Variants in MTUS2 observed in about 807,000 individuals in gnomAD.
MTUS2 encodes microtubule associated scaffold protein 2, also known as microtubule-associated tumor suppressor candidate 2.
MTUS2 carries 40 observed loss-of-function variants against 114.1 expected under a neutral mutation model. The observed-to-expected ratio is 0.35, with a 90% CI of 0.27 to 0.46. MTUS2 has a LOEUF of 0.46. Ranked by LOEUF, MTUS2 falls within the 20% of genes least tolerant of loss-of-function variation. The probability of loss-of-function intolerance (pLI) is 1.00; values close to 1 mark genes in which losing one functional copy is unlikely to be tolerated. For missense variants in MTUS2, 1,679 were observed against 1,705.4 expected (o/e 0.98, Z 0.27); for synonymous variants, 688 against 672.0 (o/e 1.02, Z -0.37).
chr13:29,242,722 A>G (rs961588693), intron 5 of MTUS2: 1 of 152,246 alleles, frequency 6.6e-6, no homozygotes, highest in Non-Finnish European at 1.5e-5. Flanking sequence ...AATAAGTAAG[A>G]TATCATCCCT....
At chr13:29,265,095 G>A (rs1489611450) in intron 5 of MTUS2, among the ~76,000 whole-genome samples, 1 of 152,090 alleles carries the variant, frequency 6.6e-6, no homozygotes, top group African/African-American at 2.4e-5. Flanking sequence ...CCCACATCTG[G>A]CAATAGGCTG....
At chr13:28,856,465 CTGGCGCT>C (rs1203877537) in intron 2 of MTUS2, among the ~76,000 whole-genome samples, 3 of 152,168 alleles carry the variant, frequency 2.0e-5, no homozygotes, top group Non-Finnish European at 4.4e-5. Context: ...CTCCGAGGGC[CTGGCGCT>C]TGGCTGAACA....
At chr13:29,335,846 T>G (rs1901036784) in intron 7 of MTUS2, among the ~76,000 whole-genome samples, 1 of 152,234 alleles carries the variant, frequency 6.6e-6, no homozygotes, top group Non-Finnish European at 1.5e-5. Flanking sequence ...TTTGGTCTTT[T>G]CATGTAGTCC....
intron 2 of MTUS2, among the ~76,000 whole-genome samples, chr13:28,997,261 A>G (rs1464625528): frequency 1.3e-5 from 2 of 152,168 alleles, no homozygotes; most frequent in Non-Finnish European, 2.9e-5. Context: ...TCTGAGAGAC[A>G]GTTTGTTATA....
chr13:29,082,294 C>G (rs575499376), intron 4 of MTUS2, among the ~76,000 whole-genome samples: 1 of 152,304 alleles, frequency 6.6e-6, no homozygotes, highest in Admixed American at 6.5e-5. Flanking sequence ...TTAAGCCACC[C>G]AGTCTGTGGC....
chr13:29,254,781 C>A (rs569803748), intron 5 of MTUS2, among the ~76,000 whole-genome samples: 1 of 152,316 alleles, frequency 6.6e-6, no homozygotes, highest in South Asian at 2.1e-4. Context: ...ACACTGCCAG[C>A]TCTGATTACA....
intron 2 of MTUS2, among the ~76,000 whole-genome samples, chr13:28,999,402 T>TA (rs1360572052): frequency 6.6e-6 from 1 of 152,192 alleles, no homozygotes; most frequent in Admixed American, 6.5e-5. Flanking sequence ...GGAGAACCAC[T>TA]ACTCTCTTCA....
At chr13:29,132,480 ACT>A (rs922818509) in intron 5 of MTUS2, among the ~76,000 whole-genome samples, 28 of 152,250 alleles carry the variant, frequency 1.8e-4, no homozygotes, top group Non-Finnish European at 3.5e-4. Flanking sequence ...CAGAACTGAA[ACT>A]CTGTACCCAT....
intron 5 of MTUS2, among the ~76,000 whole-genome samples, chr13:29,206,571 A>G (rs1441321210): frequency 6.6e-6 from 1 of 151,992 alleles, no homozygotes; most frequent in African/African-American, 2.4e-5. Flanking sequence ...ATCCATCTTG[A>G]GTTGATTTTT....
At chr13:28,877,596 C>T (rs192658586) in intron 2 of MTUS2, among the ~76,000 whole-genome samples, 1 of 152,006 alleles carries the variant, frequency 6.6e-6, no homozygotes, top group Non-Finnish European at 1.5e-5. Context: ...CATTACTCAT[C>T]GAAACTTGTT....
intron 2 of MTUS2, among the ~76,000 whole-genome samples, chr13:29,005,741 A>T (rs1337765734): frequency 6.6e-6 from 1 of 152,128 alleles, no homozygotes; most frequent in African/African-American, 2.4e-5. Flanking sequence ...TATCTTGCAA[A>T]CCTGCTTCTT....
chr13:28,954,457 TCC>T (rs1882964404), intron 2 of MTUS2, among the ~76,000 whole-genome samples: 1 of 152,202 alleles, frequency 6.6e-6, no homozygotes. Flanking sequence ...CTCTCATTAG[TCC>T]ATGCACACGG....
At chr13:29,499,197 C>T (rs1465833659) in intron 14 of MTUS2, among the ~76,000 whole-genome samples, 1 of 152,150 alleles carries the variant, frequency 6.6e-6, no homozygotes, top group Non-Finnish European at 1.5e-5. Context: ...AGCTCTGACC[C>T]ACACTCGCCC....
rs564619502 is a variant in MTUS2 at position 29,000,570 on chromosome 13, T to C, written c.-242-23887T>C. On this transcript the variant is annotated intron_variant, in intron 2 of 15. Coordinates refer to ENST00000612955, the MANE Select transcript of MTUS2 (RefSeq NM_001033602.4). ...TGGTAGAAACAGGGCTTCGCCATGT[T>C]GTCCAGGCTGGTCTCAAACTCCTGA... is the stretch of plus-strand genomic sequence containing the variant. Among the ~76,000 whole-genome samples, 373 of 152,302 alleles carry C rather than the reference T, an allele frequency of 2.4e-3. 2 individuals are homozygous for C. Among genetic ancestry groups the C allele is most frequent in the African/African-American group, 8.6e-3 (358 of 41,566 alleles).
At chr13:29,177,479 G>A (rs1893822059) in intron 5 of MTUS2, among the ~76,000 whole-genome samples, 1 of 144,998 alleles carries the variant, frequency 6.9e-6, no homozygotes, top group African/African-American at 2.9e-5. Context: ...AGATCCAAAT[G>A]GGCAGACATT....
intron 2 of MTUS2, among the ~76,000 whole-genome samples, chr13:28,973,016 A>G (rs1883926423): frequency 1.3e-5 from 2 of 152,158 alleles, no homozygotes; most frequent in African/African-American, 4.8e-5. Context: ...CAAAAAATAT[A>G]TATAGTTCTA....
intron 1 of MTUS2, among the ~76,000 whole-genome samples, chr13:28,835,876 C>G (rs1225727503): frequency 6.6e-6 from 1 of 152,118 alleles, no homozygotes; most frequent in Non-Finnish European, 1.5e-5. Context: ...AAAAAATATT[C>G]TGTGAGCTTT....
chr13:29,013,787 C>A (rs1037927646), intron 2 of MTUS2, among the ~76,000 whole-genome samples: 1 of 152,240 alleles, frequency 6.6e-6, no homozygotes, highest in African/African-American at 2.4e-5. Flanking sequence ...CACACACATA[C>A]GTGCACAGGC....
At chr13:28,956,923 G>A (rs1883098075) in intron 2 of MTUS2, among the ~76,000 whole-genome samples, 1 of 148,862 alleles carries the variant, frequency 6.7e-6, no homozygotes, top group African/African-American at 2.5e-5. Context: ...CTCGAGATGG[G>A]CGATCTGGTG....
Sources: gnomAD v4.1 joint callset for allele counts (sites outside exome capture counted in the v4.1 genomes callset) on GRCh38, gnomAD v4.1.1 for gene constraint, MANE v1.5 for transcripts, NCBI Gene and HGNC (gene_info 2026-07-23, HGNC 2026-07-21) for gene names.